LCA5L: variants seen among roughly 807,000 people sequenced by gnomAD.
The protein encoded by LCA5L is lebercilin-like protein.
Under a neutral mutation model 45.4 loss-of-function variants are expected in LCA5L, and 35 were observed. The ratio of observed to expected loss-of-function variants is 0.77; its 90% CI spans 0.59 to 1.02. The LOEUF (loss-of-function observed/expected upper bound fraction) is 1.02, where lower values mean the gene tolerates loss of function less well. LCA5L is among the 50% of genes least tolerant of loss of function. The probability of loss-of-function intolerance (pLI) is 0.00; values close to 1 mark genes in which losing one functional copy is unlikely to be tolerated. For synonymous variants in LCA5L, 233 were observed against 264.7 expected, an observed-to-expected ratio of 0.88 and a Z score of 1.16; for missense variants, 668 against 761.6, an observed-to-expected ratio of 0.88 and a Z score of 1.45.
At chr21:39,419,399 C>T (rs1019427512) in intron 7 of LCA5L, among the ~76,000 whole-genome samples, 1 of 151,870 alleles carries the variant, frequency 6.6e-6, no homozygotes, top group African/African-American at 2.4e-5. Context: ...GTGGCATGTA[C>T]CTGTGATCCC....
chr21:39,407,980 C>T (rs920092881), intron 10 of LCA5L: 50 of 152,300 alleles, frequency 3.3e-4, no homozygotes, highest in African/African-American at 1.0e-3. Flanking sequence ...AAGGTGAGGC[C>T]CTTGGGCCTC....
chr21:39,440,075 A>G (rs7276842), intron 2 of LCA5L, among the ~76,000 whole-genome samples: 115,992 of 152,108 alleles, frequency 0.76, 44,590 homozygotes, highest in African/African-American at 0.84. Context: ...ATGTGTATAT[A>G]CATATGTATG....
intron 3 of LCA5L, among the ~76,000 whole-genome samples, chr21:39,430,015 A>AAAACAAAC (rs375183140): frequency 2.3e-4 from 35 of 151,854 alleles, no homozygotes; most frequent in African/African-American, 7.5e-4. Context: ...CTCTGTCTCA[A>AAAACAAAC]AAACAAACAA....
chr21:39,432,675 G>A (rs545854687), intron 3 of LCA5L, among the ~76,000 whole-genome samples: 21 of 152,082 alleles, frequency 1.4e-4, no homozygotes, highest in African/African-American at 4.8e-4. Context: ...CCTTCCCTGC[G>A]CCTCACTCCC....
At chr21:39,408,497 G>A (rs372841248) in intron 10 of LCA5L, 1 of 152,494 alleles carries the variant, frequency 6.6e-6, no homozygotes, top group East Asian at 1.9e-4. Context: ...AGACAGACTA[G>A]GACCCCTGCT....
intron 2 of LCA5L, among the ~76,000 whole-genome samples, chr21:39,441,240 G>A (rs2076822249): frequency 6.6e-6 from 1 of 152,176 alleles, no homozygotes; most frequent in African/African-American, 2.4e-5. Context: ...CAAGGCCGCA[G>A]TGATGCAGTG....
chr21:39,442,360 T>C (rs1304229402), intron 2 of LCA5L, among the ~76,000 whole-genome samples: 1 of 152,096 alleles, frequency 6.6e-6, no homozygotes, highest in Non-Finnish European at 1.5e-5. Context: ...GAAGGCGTGT[T>C]TATGATGTGG....
chr21:39,410,844 A>AT (rs1275519305), intron 8 of LCA5L: 5 of 471,088 alleles, frequency 1.1e-5, no homozygotes, highest in Non-Finnish European at 2.2e-5. Flanking sequence ...ATTATTCTAG[A>AT]TTATAAGCCA....
At position 39,406,077 on chromosome 21, in the gene LCA5L, G is replaced by A; in HGVS notation, c.1818C>T (p.Gly606=). 1.2e-6 allele frequency: 2 copies of A among 1,614,144 alleles called. No homozygotes were observed. The highest frequency in any genetic ancestry group is 3.3e-5 in the Admixed American group (2 of 60,012). The change falls in exon 11 of 11, where the codon GGC becomes GGT. Residue 606 remains glycine (G), a synonymous_variant. Transcript: ENST00000288350. ...SSLMEELFGS[G]YVLKTDQSSP... is the part of the protein sequence containing the mutation. ...TTGATTGGTCAGTTTTCAAGACATA[G>A]CCTGATCCAAAGAGTTCTTCCATGA...
intron 3 of LCA5L, among the ~76,000 whole-genome samples, chr21:39,430,251 G>T (rs191640001): frequency 5.8e-4 from 88 of 152,286 alleles, no homozygotes; most frequent in African/African-American, 1.9e-3. Flanking sequence ...TCCGCAAGAA[G>T]AATTTGTTTT....
intron 2 of LCA5L, chr21:39,436,293 T>A (rs543864619): frequency 6.6e-6 from 1 of 152,224 alleles, no homozygotes; most frequent in Non-Finnish European, 1.5e-5. Flanking sequence ...TCTGGTTCCA[T>A]ACTTTCATGA....
At position 39,405,975 on chromosome 21, in the gene LCA5L, G is replaced by T. The variant is rs758817274; in HGVS notation, c.1920C>A (p.Ser640=). 1 of 1,614,116 alleles carries T rather than the reference G, an allele frequency of 6.2e-7. No individual in the cohort carries two copies. The highest frequency in any genetic ancestry group is 8.5e-7 in the Non-Finnish European group (1 of 1,179,966). Residue 640 remains serine (S), a synonymous_variant, in exon 11 of 11, where the codon TCC becomes TCA. Transcript: ENST00000288350. ...TAGAGTCTCCGAAAGCATGGCTGGT[G>T]GAGGCCTGACTGGGAGGCAGGGGAT... The part of the protein sequence containing the change: ...ESHPLPPSQA[S]TSHAFGDSKV...
intron 7 of LCA5L, among the ~76,000 whole-genome samples, chr21:39,419,225 C>CA (rs1025577991): frequency 2.8e-4 from 42 of 152,024 alleles, no homozygotes; most frequent in Non-Finnish European, 5.7e-4. Flanking sequence ...CTAATTGTCA[C>CA]AAAAAAGTTA....
chr21:39,406,785 ATGTGT>A (rs2039135096), intron 10 of LCA5L, 173 bp from the exon 11 acceptor site: 2 of 539,992 alleles, frequency 3.7e-6, no homozygotes, highest in Non-Finnish European at 3.2e-6. Flanking sequence ...CTATTAACAA[ATGTGT>A]TATGTTACAG....
rs565629726 is a variant in LCA5L at position 39,432,528 on chromosome 21, C to G, written c.-92+2892G>C. Among the ~76,000 whole-genome samples, 7 of 152,182 alleles carry G rather than the reference C, an allele frequency of 4.6e-5. No homozygotes were observed. The South Asian group carries it at 1.5e-3, about 32-fold the overall frequency. On this transcript the variant is annotated intron_variant, in intron 3 of 10. Transcript: ENST00000288350. ...TTTTAACCCTCTTTTATTGAGGTAT[C>G]AAAGAAAATTAGTAAGAGTACCATT...
At chr21:39,438,477 T>TA (rs1340893467) in intron 2 of LCA5L, among the ~76,000 whole-genome samples, 1 of 152,030 alleles carries the variant, frequency 6.6e-6, no homozygotes, top group Non-Finnish European at 1.5e-5. Context: ...TCCTTATAAT[T>TA]AAAAAAATAA....
chr21:39,419,520 G>A (rs2041898169), intron 7 of LCA5L, among the ~76,000 whole-genome samples: 1 of 55,864 alleles, frequency 1.8e-5, no homozygotes, highest in African/African-American at 8.0e-5. Context: ...GCAAGACCCT[G>A]TTCAAAAAAA....
intron 6 of LCA5L, chr21:39,422,369 G>A (rs2073915653): frequency 6.6e-6 from 1 of 152,260 alleles, no homozygotes; most frequent in Admixed American, 6.5e-5. Flanking sequence ...TAATCCCCAG[G>A]CTTTTGACAA....
chr21:39,411,620 G>T, intron 8 of LCA5L, 98 bp downstream of exon 8: 1 of 571,280 alleles, frequency 1.8e-6, no homozygotes, highest in Non-Finnish European at 3.1e-6. Context: ...GCCTAATGAA[G>T]TGATTTTTGA....
Sources: gnomAD v4.1 joint callset for allele counts (sites outside exome capture counted in the v4.1 genomes callset) on GRCh38, gnomAD v4.1.1 for gene constraint, MANE v1.5 for transcripts, NCBI Gene and HGNC (gene_info 2026-07-23, HGNC 2026-07-21) for gene names.